The following METTL16 variants were observed in gnomAD, a reference collection of about 807,000 sequenced individuals.
METTL16 encodes the protein RNA N(6)-adenosine-methyltransferase METTL16.
METTL16 carries 19 observed loss-of-function variants against 57.9 expected under a neutral mutation model. The ratio of observed to expected loss-of-function variants is 0.33; its 90% CI spans 0.23 to 0.48. The LOEUF (loss-of-function observed/expected upper bound fraction) is 0.48. METTL16 is among the 20% of genes least tolerant of loss of function. The pLI is 0.99. For synonymous variants in METTL16, 246 were observed against 255.6 expected, an observed-to-expected ratio of 0.96 and a Z score of 0.36; for missense variants, 434 against 691.5, an observed-to-expected ratio of 0.63 and a Z score of 4.18.
intron 1 of METTL16, among the ~76,000 whole-genome samples, chr17:2,508,973 T>C (rs531642359): frequency 3.2e-4 from 48 of 152,158 alleles, no homozygotes; most frequent in Non-Finnish European, 5.4e-4. Context: ...CCTCCCACCA[T>C]CGCCTTTCAC....
In METTL16 at chr17:2,420,785, C is replaced by T. The variant is rs776550789; in HGVS notation, c.1008G>A (p.Ala336=). The T allele has an allele frequency of 1.4e-5, 23 of 1,614,190 alleles. No homozygotes were observed. Among genetic ancestry groups the T allele is most frequent in the Admixed American group, 3.3e-5 (2 of 60,024 alleles). The change falls in exon 9 of 10, where the codon GCG becomes GCA. Residue 336 remains alanine, a synonymous_variant. Coordinates refer to ENST00000263092, the MANE Select transcript of METTL16 (RefSeq NM_024086.4). The surrounding 1 kb of genome is among the most constrained non-coding windows in gnomAD (Gnocchi z 5.4). ...ATGTCGTGACAACGACTATGCCTTC[C>T]GCCGTCTCCGAGCGCAGAGGTGATG... The part of the protein sequence containing the change: ...LKASPLRSET[A]EGIVVVTTWI...
At chr17:2,443,652 A>AT (rs981105371) in intron 6 of METTL16, among the ~76,000 whole-genome samples, 291 of 148,700 alleles carry the variant, frequency 2.0e-3, no homozygotes, top group African/African-American at 6.2e-3. Context: ...ACGCCCGGCT[A>AT]TTTTTTTTTT....
intron 6 of METTL16, among the ~76,000 whole-genome samples, chr17:2,449,036 A>AG (rs1456401923): frequency 6.6e-6 from 1 of 150,940 alleles, no homozygotes; most frequent in African/African-American, 2.4e-5. Flanking sequence ...AAAAAAAAAA[A>AG]AAAGTAAAAT....
At chr17:2,439,383 A>G (rs910512438) in intron 7 of METTL16, among the ~76,000 whole-genome samples, 3 of 152,160 alleles carry the variant, frequency 2.0e-5, no homozygotes, top group African/African-American at 7.2e-5. Context: ...AAGTGCTGTG[A>G]TTACAGACAT....
At chr17:2,451,673 A>G (rs2151556972) in intron 6 of METTL16, among the ~76,000 whole-genome samples, 1 of 152,138 alleles carries the variant, frequency 6.6e-6, no homozygotes, top group East Asian at 1.9e-4. Flanking sequence ...GGATTCATTA[A>G]CCAGGAATTT....
intron 1 of METTL16, among the ~76,000 whole-genome samples, chr17:2,506,627 G>A (rs1439011697): frequency 4.0e-5 from 6 of 151,858 alleles, no homozygotes; most frequent in Admixed American, 2.0e-4. Context: ...GCGTAATCGC[G>A]GCTCGCTACA....
intron 8 of METTL16, among the ~76,000 whole-genome samples, chr17:2,421,239 C>T (rs1434554278): frequency 1.3e-5 from 2 of 152,124 alleles, no homozygotes; most frequent in African/African-American, 2.4e-5. Flanking sequence ...CCTGTGGTCC[C>T]GGCTACTCTG....
At chr17:2,494,541 A>C (rs935603166) in intron 2 of METTL16, among the ~76,000 whole-genome samples, 37 of 152,218 alleles carry the variant, frequency 2.4e-4, no homozygotes, top group African/African-American at 7.5e-4. Context: ...ATTTATGATC[A>C]GTGGTCTTTG....
chr17:2,502,727 A>G (rs2151580339), intron 1 of METTL16, among the ~76,000 whole-genome samples: 1 of 152,240 alleles, frequency 6.6e-6, no homozygotes, highest in East Asian at 1.9e-4. Context: ...GTGGATGCCA[A>G]GTTAATAGTT....
Position 2,417,717 on chromosome 17 carries a change from G to A in METTL16, c.*2253C>T, listed in dbSNP as rs911036814. 1.3e-5 allele frequency: 2 copies of A among 152,160 alleles called. No homozygotes were observed. Among genetic ancestry groups the A allele is most frequent in the Non-Finnish European group, 2.9e-5 (2 of 68,028 alleles). The allele number at this position is 152,160 out of a possible 1,614,324, so 9.4% of individuals were successfully genotyped here. A position where few individuals can be genotyped will look rare whatever the true frequency, so the allele number is the denominator to read the frequency against. ...CACTCACACACCCCGTCTACAGAGA[G>A]ACTAGAAAGGAACACGCCAATGCCA... On this transcript the variant is annotated 3_prime_UTR_variant, in exon 10 of 10. Transcript: ENST00000263092.
intron 2 of METTL16, among the ~76,000 whole-genome samples, chr17:2,496,768 G>A (rs539544512): frequency 7.9e-5 from 12 of 151,590 alleles, no homozygotes; most frequent in Non-Finnish European, 1.2e-4. Context: ...TTTAGGTCAC[G>A]AGGGCTTTGC....
At chr17:2,506,500 C>A (rs1048606391) in intron 1 of METTL16, among the ~76,000 whole-genome samples, 1 of 149,398 alleles carries the variant, frequency 6.7e-6, no homozygotes, top group African/African-American at 2.4e-5. Flanking sequence ...GTTGGCCGGG[C>A]TGGTCTCCAG....
At chr17:2,477,399 A>AT (rs937069647) in intron 3 of METTL16, 490 of 290,486 alleles carry the variant, frequency 1.7e-3, no homozygotes, top group South Asian at 2.5e-3. Context: ...TTGGATTTCA[A>AT]TTTTTTTTTC....
intron 8 of METTL16, among the ~76,000 whole-genome samples, chr17:2,430,592 ATT>A (rs10718224): frequency 6.6e-6 from 1 of 150,858 alleles, no homozygotes; most frequent in African/African-American, 2.4e-5. Context: ...ATTTTTTTGT[ATT>A]TTTTTAGTAG....
At chr17:2,468,858 G>A (rs372438090) in intron 4 of METTL16, among the ~76,000 whole-genome samples, 7 of 152,204 alleles carry the variant, frequency 4.6e-5, no homozygotes, top group African/African-American at 9.6e-5. Context: ...ACGGCACACC[G>A]GCATGGATGA....
intron 8 of METTL16, among the ~76,000 whole-genome samples, chr17:2,430,483 T>C (rs1256678913): frequency 1.4e-5 from 2 of 145,488 alleles, no homozygotes; most frequent in Non-Finnish European, 3.0e-5. Context: ...TGGCGGGATC[T>C]CGGCTCACTG....
chr17:2,449,141 A>G (rs1388548811), intron 6 of METTL16, among the ~76,000 whole-genome samples: 1 of 152,214 alleles, frequency 6.6e-6, no homozygotes, highest in Non-Finnish European at 1.5e-5. Flanking sequence ...ATGAAAATAC[A>G]TAAAATACTT....
chr17:2,497,305 C>CTTTTTTTTTTT (rs781130501), intron 2 of METTL16, among the ~76,000 whole-genome samples: 1 of 63,786 alleles, frequency 1.6e-5, no homozygotes, highest in Non-Finnish European at 2.7e-5. Context: ...TGCACCCGGC[C>CTTTTTTTTTTT]TTTTTTTTTT....
intron 6 of METTL16, among the ~76,000 whole-genome samples, chr17:2,443,956 T>G (rs950274193): frequency 6.6e-6 from 1 of 152,246 alleles, no homozygotes; most frequent in Non-Finnish European, 1.5e-5. Flanking sequence ...GTTTTTAGCA[T>G]AGCATGTTGA....
Sources: gnomAD v4.1 joint callset for allele counts (sites outside exome capture counted in the v4.1 genomes callset) on GRCh38, gnomAD v4.1.1 for gene constraint, Gnocchi (gnomAD v3.1) non-coding constraint, MANE v1.5 for transcripts, NCBI Gene and HGNC (gene_info 2026-07-23, HGNC 2026-07-21) for gene names.